Variants in APAF1 observed in about 807,000 individuals in gnomAD.
The protein encoded by APAF1 is apoptotic peptidase activating factor 1.
APAF1 carries 91 observed loss-of-function variants against 152.4 expected under a neutral mutation model. The ratio of observed to expected loss-of-function variants is 0.60; its 90% CI spans 0.50 to 0.71. The LOEUF (loss-of-function observed/expected upper bound fraction) is 0.71. Ranked by LOEUF, APAF1 falls within the 30% of genes least tolerant of loss-of-function variation. The pLI, the probability that APAF1 is intolerant of heterozygous loss-of-function variation, is 0.00. For synonymous variants in APAF1, 484 were observed against 494.1 expected, an observed-to-expected ratio of 0.98 and a Z score of 0.27; for missense variants, 1,283 against 1,472.0, an observed-to-expected ratio of 0.87 and a Z score of 2.10.
intron 20 of APAF1, among the ~76,000 whole-genome samples, chr12:98,710,406 TAGGG>T (rs1328536811): frequency 6.6e-6 from 1 of 152,026 alleles, no homozygotes; most frequent in Admixed American, 6.5e-5. Flanking sequence ...TATTGAAAGA[TAGGG>T]AGCATGAATG....
Position 98,712,364 on chromosome 12 carries a change from C to T in APAF1, c.2887C>T (p.Gln963Ter). 6.2e-7 allele frequency: 1 copy of T among 1,613,614 alleles called. No individual in the cohort carries two copies. Among genetic ancestry groups the T allele is most frequent in the Non-Finnish European group, 8.5e-7 (1 of 1,179,700 alleles). Residue 963 changes from glutamine (Q) to a stop codon, truncating the protein, a stop_gained, in exon 21 of 27, where the codon CAA becomes TAA. Transcript: ENST00000551964. LOFTEE classifies it high-confidence loss of function. Reference protein sequence around the residue: ...TGQIDYLTEAQVSCCCLSPHL... With the variant: ...TGQIDYLTEA Reference sequence around the variant, plus strand: ...TCAGATTGATTATCTGACTGAAGCTCAAGTTAGCTGCTGTTGCTTAAGTCC... The same window carrying T: ...TCAGATTGATTATCTGACTGAAGCTTAAGTTAGCTGCTGTTGCTTAAGTCC...
intron 4 of APAF1, among the ~76,000 whole-genome samples, chr12:98,655,816 C>T (rs2097656715): frequency 1.3e-5 from 2 of 151,252 alleles, no homozygotes; most frequent in African/African-American, 4.9e-5. Flanking sequence ...CAGAGTCTCA[C>T]TCTGTCGCCC....
intron 26 of APAF1, among the ~76,000 whole-genome samples, chr12:98,727,674 C>G (rs1362313988): frequency 1.3e-5 from 2 of 152,126 alleles, no homozygotes; most frequent in Non-Finnish European, 2.9e-5. Flanking sequence ...GGCACGGTGG[C>G]TCACGCCTGT....
At chr12:98,731,538 A>G (rs1214160043) in intron 26 of APAF1, among the ~76,000 whole-genome samples, 1 of 152,212 alleles carries the variant, frequency 6.6e-6, no homozygotes, top group East Asian at 1.9e-4. Flanking sequence ...ACCAAAGTCC[A>G]TTGGGTATAC....
chr12:98,702,667 A>AT (rs1163326353), intron 17 of APAF1, among the ~76,000 whole-genome samples: 1 of 151,712 alleles, frequency 6.6e-6, no homozygotes, highest in Non-Finnish European at 1.5e-5. Context: ...TCTACTAAAA[A>AT]TAAAAAAATT....
At chr12:98,679,022 C>T (rs1375943308) in intron 13 of APAF1, among the ~76,000 whole-genome samples, 2 of 152,198 alleles carry the variant, frequency 1.3e-5, no homozygotes, top group African/African-American at 4.8e-5. Context: ...GAGGCCCCAC[C>T]TTCAGGCCAC....
At chr12:98,682,649 A>G (rs534986006) in intron 14 of APAF1, among the ~76,000 whole-genome samples, 1 of 152,232 alleles carries the variant, frequency 6.6e-6, no homozygotes, top group African/African-American at 2.4e-5. Flanking sequence ...AACACTTGTC[A>G]TGTTCATTAT....
intron 22 of APAF1, among the ~76,000 whole-genome samples, chr12:98,720,713 C>A (rs1178535798): frequency 2.0e-5 from 3 of 152,214 alleles, no homozygotes; most frequent in Non-Finnish European, 4.4e-5. Context: ...CGCCTGTAAT[C>A]CCGGCACTTT....
At chr12:98,660,287 A>G (rs2097663393) in intron 5 of APAF1, among the ~76,000 whole-genome samples, 1 of 152,128 alleles carries the variant, frequency 6.6e-6, no homozygotes, top group African/African-American at 2.4e-5. Flanking sequence ...TTGAGGCTGC[A>G]GTGAACCCAG....
Position 98,677,436 on chromosome 12 carries a change from A to T in APAF1, c.1805A>T (p.Asn602Ile), listed in dbSNP as rs1565870589. The change falls in exon 13 of 27, where the codon AAC becomes ATC. Residue 602 changes from asparagine (N) to isoleucine (I), a missense_variant. Physicochemically the swap from Asn to Ile is moderately radical, Grantham distance 149. Transcript: ENST00000551964. ...MLYLEWINKK[N>I]ITNLSRLVVR... ...TTCCCTGTATTTAGAAACAAAAAAA[A>T]CATCACGAATCTTTCCCGCTTAGTT... 6.2e-7 allele frequency: 1 copy of T among 1,614,150 alleles called. No homozygotes were observed. Among genetic ancestry groups the T allele is most frequent in the Non-Finnish European group, 8.5e-7 (1 of 1,180,016 alleles).
intron 11 of APAF1, 96 bp downstream of exon 11, chr12:98,671,182 AGGGG>A (rs1331995893): frequency 9.8e-6 from 8 of 816,900 alleles, no homozygotes; most frequent in Admixed American, 2.3e-5. Context: ...GCAGAATAGA[AGGGG>A]TGAAGATAAT....
chr12:98,716,595 C>A (rs2097734962), intron 22 of APAF1, among the ~76,000 whole-genome samples: 1 of 152,174 alleles, frequency 6.6e-6, no homozygotes, highest in Non-Finnish European at 1.5e-5. Flanking sequence ...ATTTTAGGAT[C>A]TTCATTTTAT....
At chr12:98,712,265 G>A (rs192731229) in intron 20 of APAF1, 54 bp from the exon 21 acceptor site, 49 of 989,126 alleles carry the variant, frequency 5.0e-5, no homozygotes, top group African/African-American at 1.9e-4. Context: ...CTGTTCTGAC[G>A]AACAAAAACT....
At chr12:98,698,730 T>C (rs2097712228) in intron 16 of APAF1, among the ~76,000 whole-genome samples, 2 of 152,208 alleles carry the variant, frequency 1.3e-5, no homozygotes, top group South Asian at 4.1e-4. Context: ...GCAGTCATTA[T>C]CACTCTGTGA....
At chr12:98,650,594 C>A (rs958224702) in intron 4 of APAF1, among the ~76,000 whole-genome samples, 3 of 151,576 alleles carry the variant, frequency 2.0e-5, no homozygotes, top group Non-Finnish European at 4.4e-5. Flanking sequence ...CTCTAAGAGA[C>A]TTAGAAATAT....
intron 16 of APAF1, among the ~76,000 whole-genome samples, chr12:98,691,045 A>T (rs1249420027): frequency 1.3e-5 from 2 of 152,112 alleles, no homozygotes; most frequent in African/African-American, 4.8e-5. Flanking sequence ...CGTCTCTACT[A>T]AAAATACAAA....
At chr12:98,713,402 C>T (rs774884721) in intron 21 of APAF1, among the ~76,000 whole-genome samples, 40 of 152,114 alleles carry the variant, frequency 2.6e-4, no homozygotes, top group South Asian at 2.1e-4. Context: ...GTTTCCATTT[C>T]GGTACTGATA....
At chr12:98,665,938 G>A (rs756082336) in intron 8 of APAF1, 147 bp downstream of exon 8, 7 of 789,486 alleles carry the variant, frequency 8.9e-6, no homozygotes, top group Non-Finnish European at 1.5e-5. Flanking sequence ...TCCCTCTGCT[G>A]TTAGCTTCCA....
intron 14 of APAF1, among the ~76,000 whole-genome samples, chr12:98,680,777 C>T (rs2097691411): frequency 6.6e-6 from 1 of 152,110 alleles, no homozygotes; most frequent in Admixed American, 6.6e-5. Flanking sequence ...CAGGATTAAA[C>T]AAGCAGTGGG....
Sources: gnomAD v4.1 joint callset for allele counts (sites outside exome capture counted in the v4.1 genomes callset) on GRCh38, gnomAD v4.1.1 for gene constraint, MANE v1.5 for transcripts, NCBI Gene and HGNC (gene_info 2026-07-23, HGNC 2026-07-21) for gene names.